Variants in GALNT13 observed in about 807,000 individuals in gnomAD.
GALNT13 encodes the protein UDP-GalNAc:polypeptide N-acetylgalactosaminyltransferase 13.
In GALNT13, 28 loss-of-function variants were observed where a neutral mutation model predicts 64.2. That is an observed-to-expected ratio of 0.44 (90% CI 0.32 to 0.60). GALNT13 has a LOEUF of 0.60. Among genes scored for constraint, GALNT13 ranks in the 20% least tolerant of loss-of-function variants. GALNT13 has a pLI of 0.05. For synonymous variants in GALNT13, 214 were observed against 224.6 expected (o/e 0.95, Z 0.42); for missense variants, 577 against 669.8 (o/e 0.86, Z 1.53).
chr2:153,633,329 G>T, the GALNT13 span, among the ~76,000 whole-genome samples: 2 of 152,068 alleles, frequency 1.3e-5, no homozygotes, highest in East Asian at 3.9e-4. Flanking sequence ...CTTCTTAGAA[G>T]AAATAAATAT....
the GALNT13 span, among the ~76,000 whole-genome samples, chr2:153,090,759 T>C: frequency 6.6e-6 from 1 of 152,132 alleles, no homozygotes; most frequent in Non-Finnish European, 1.5e-5. Context: ...GTTAGGCAAG[T>C]CTGGACTCAA....
intron 10 of GALNT13, among the ~76,000 whole-genome samples, chr2:154,406,644 G>A (rs913772886): frequency 1.3e-5 from 2 of 151,954 alleles, no homozygotes; most frequent in African/African-American, 4.8e-5. Context: ...TTCTAAAATA[G>A]TACCATCTCC....
In GALNT13 at chr2:154,245,954, A is replaced by G; in HGVS notation, c.829A>G (p.Arg277Gly). The G allele has an allele frequency of 6.2e-7, 1 of 1,613,404 alleles. No individual in the cohort carries two copies. ...TGTTCCCCAAAGAGAAATGGACAGG[A>G]GGAAAGGAGACAGAACATTACCTGT... ...YPVPQREMDR[R>G]KGDRTLPVRT... The change falls in exon 7 of 13, where the codon AGG becomes GGG. Residue 277 changes from arginine to glycine, a missense_variant. Transcript: ENST00000392825.
At chr2:153,193,127 C>G in the GALNT13 span, among the ~76,000 whole-genome samples, 1 of 151,926 alleles carries the variant, frequency 6.6e-6, no homozygotes. Flanking sequence ...TTGAATCATG[C>G]TGCTATAAAG....
intron 3 of GALNT13, among the ~76,000 whole-genome samples, chr2:153,995,351 G>A (rs927229941): frequency 1.3e-5 from 2 of 151,908 alleles, no homozygotes; most frequent in African/African-American, 4.8e-5. Context: ...TACACTCAGT[G>A]CTGTGTTATA....
chr2:153,707,917 A>G, the GALNT13 span, among the ~76,000 whole-genome samples: 1 of 152,306 alleles, frequency 6.6e-6, no homozygotes, highest in African/African-American at 2.4e-5. Context: ...AAGTGGGCCT[A>G]CTATACCTTA....
the GALNT13 span, among the ~76,000 whole-genome samples, chr2:153,821,862 A>G: frequency 6.6e-6 from 1 of 152,196 alleles, no homozygotes; most frequent in Non-Finnish European, 1.5e-5. Context: ...AAAGAGAGAG[A>G]AAATTCACAT....
At chr2:153,839,479 A>T in the GALNT13 span, among the ~76,000 whole-genome samples, 1 of 151,784 alleles carries the variant, frequency 6.6e-6, no homozygotes, top group African/African-American at 2.4e-5. Context: ...AAGACATTGA[A>T]TTTTGTCAAA....
At chr2:153,558,391 A>C in the GALNT13 span, among the ~76,000 whole-genome samples, 99 of 152,214 alleles carry the variant, frequency 6.5e-4, 1 homozygote, top group Non-Finnish European at 1.4e-3. Context: ...CACTGAGAAC[A>C]GAGGCAGCAG....
the GALNT13 span, chr2:153,478,108 A>G: frequency 2.6e-6 from 2 of 757,840 alleles, no homozygotes; most frequent in Non-Finnish European, 2.1e-6. Context: ...TCTTTCCGAA[A>G]GGCCGAAGTC....
At chr2:153,621,241 A>G in the GALNT13 span, among the ~76,000 whole-genome samples, 1 of 152,182 alleles carries the variant, frequency 6.6e-6, no homozygotes, top group Admixed American at 6.6e-5. Context: ...CTTTAAGTGT[A>G]TTCCAATGAT....
the GALNT13 span, among the ~76,000 whole-genome samples, chr2:153,836,929 C>T: frequency 3.9e-5 from 6 of 152,042 alleles, no homozygotes; most frequent in Non-Finnish European, 8.8e-5. Flanking sequence ...TGGGTTGGTT[C>T]AAAGTCTTTG....
chr2:154,017,671 C>T (rs560571564), intron 3 of GALNT13, among the ~76,000 whole-genome samples: 45 of 152,238 alleles, frequency 3.0e-4, no homozygotes, highest in African/African-American at 1.0e-3. Flanking sequence ...TTATTCGTAT[C>T]GCTCTGGCAA....
the GALNT13 span, among the ~76,000 whole-genome samples, chr2:153,706,593 A>G: frequency 6.6e-6 from 1 of 152,338 alleles, no homozygotes; most frequent in South Asian, 2.1e-4. Flanking sequence ...GAATATGCAT[A>G]TGCAGGAACA....
chr2:153,406,984 TAA>T, the GALNT13 span, among the ~76,000 whole-genome samples: 428 of 152,286 alleles, frequency 2.8e-3, 16 homozygotes, highest in East Asian at 0.075. Context: ...TCTGATCTTT[TAA>T]GTGTTCTAAT....
chr2:153,343,492 A>G, the GALNT13 span, among the ~76,000 whole-genome samples: 1 of 152,314 alleles, frequency 6.6e-6, no homozygotes, highest in East Asian at 1.9e-4. Context: ...TAAATCTTCA[A>G]GAAGTTATTT....
chr2:153,572,344 C>CT, the GALNT13 span, among the ~76,000 whole-genome samples: 4 of 149,092 alleles, frequency 2.7e-5, no homozygotes, highest in East Asian at 1.9e-4. Flanking sequence ...TTTTTTCTCT[C>CT]TTTTTTTTTA....
intron 11 of GALNT13, among the ~76,000 whole-genome samples, chr2:154,435,603 T>TC (rs780164227): frequency 3.9e-4 from 59 of 152,344 alleles, no homozygotes; most frequent in Non-Finnish European, 5.6e-4. Flanking sequence ...TCAGGTATTA[T>TC]AAACTCTCTC....
At chr2:153,647,457 C>G in the GALNT13 span, among the ~76,000 whole-genome samples, 1 of 152,146 alleles carries the variant, frequency 6.6e-6, no homozygotes, top group Non-Finnish European at 1.5e-5. Flanking sequence ...TGTGCAGAAG[C>G]TCTTTAGTTT....
Sources: allele counts gnomAD v4.1 joint callset (sites outside exome capture counted in the v4.1 genomes callset), GRCh38; gene constraint gnomAD v4.1.1; transcripts MANE v1.5; gene names NCBI Gene and HGNC (gene_info 2026-07-23, HGNC 2026-07-21).